Variants in SPG11 observed in about 807,000 individuals in gnomAD.
SPG11 encodes SPG11 vesicle trafficking associated, spatacsin.
In SPG11, 222 loss-of-function variants were observed where a neutral mutation model predicts 274.0. That is an observed-to-expected ratio of 0.81 (90% confidence interval 0.73 to 0.91). The LOEUF is 0.91. SPG11 is among the 40% of genes least tolerant of loss of function. The pLI is 0.00. For synonymous variants in SPG11, 1,144 were observed against 1,039.7 expected (o/e 1.10, Z -1.93); for missense variants, 3,114 against 2,872.7 (o/e 1.08, Z -1.92).
At chr15:44,660,404 T>C (rs1483708267) in intron 2 of SPG11, 28 bp downstream of exon 2, 4 of 1,603,680 alleles carry the variant, frequency 2.5e-6, no homozygotes, top group African/African-American at 2.7e-5. Context: ...AATTTAAATA[T>C]GCTGAAAGAC....
At chr15:44,569,648 C>T in intron 34 of SPG11, 143 bp from the exon 35 acceptor site, 2 of 710,452 alleles carry the variant, frequency 2.8e-6, no homozygotes, top group Admixed American at 4.0e-5. Flanking sequence ...GCTTAGCTCC[C>T]TCCCATGTAC....
At position 44,663,559 on chromosome 15, in the gene SPG11, A is replaced by C. The variant is rs750684185; in HGVS notation, c.89T>G (p.Leu30Trp). ...AAMGRVLPMLLVPVPAEAMGQ... is the reference protein window; with the variant it reads ...AAMGRVLPMLWVPVPAEAMGQ... ...CATCGCCTCGGCGGGGACTGGCACC[A>C]ACAGCATCGGTAGAACCCGCCCCAT... Residue 30 changes from leucine (L) to tryptophan (W), a missense_variant, in exon 1 of 40, where the codon TTG (leucine) becomes TGG (tryptophan). Leu to Trp is a moderately conservative substitution (Grantham distance 61). Transcript: ENST00000261866. 33 of 1,597,598 alleles carry C rather than the reference A, an allele frequency of 2.1e-5. No homozygotes were observed.
chr15:44,663,558 C>G lies in SPG11; in HGVS notation c.90G>C (p.Leu30Phe). The G allele has an allele frequency of 6.3e-7, 1 of 1,597,652 alleles. No individual in the cohort carries two copies. The highest frequency in any genetic ancestry group is 8.5e-7 in the Non-Finnish European group (1 of 1,173,638). The change falls in exon 1 of 40, where the codon TTG becomes TTC. Residue 30 changes from leucine to phenylalanine, a missense_variant. Leu to Phe is a conservative substitution (Grantham distance 22, BLOSUM62 0). Coordinates refer to ENST00000261866, the MANE Select transcript of SPG11 (RefSeq NM_025137.4). ...AAMGRVLPML[L>F]VPVPAEAMGQ... ...CCATCGCCTCGGCGGGGACTGGCAC[C>G]AACAGCATCGGTAGAACCCGCCCCA... is the stretch of plus-strand genomic sequence containing the variant.
chr15:44,596,587 AC>A (rs2083045128), intron 24 of SPG11, among the ~76,000 whole-genome samples, 196 bp downstream of exon 24: 1 of 150,124 alleles, frequency 6.7e-6, no homozygotes, highest in Non-Finnish European at 1.5e-5. Context: ...TCTGATGCCA[AC>A]CCACTGAAAT....
At chr15:44,652,334 C>T (rs552069533) in intron 4 of SPG11, 68 bp from the exon 5 acceptor site, 11 of 1,531,274 alleles carry the variant, frequency 7.2e-6, no homozygotes, top group Non-Finnish European at 8.1e-6. Context: ...GTTACTACTG[C>T]TCCTGTTAAA....
chr15:44,621,724 C>T (rs1157485982), intron 14 of SPG11, 35 bp downstream of exon 14: 2 of 1,584,664 alleles, frequency 1.3e-6, no homozygotes, highest in Non-Finnish European at 1.7e-6. Flanking sequence ...AATCCTCATT[C>T]AGTATGTTCA....
At position 44,659,190 on chromosome 15, in the gene SPG11, T is replaced by C. The variant is rs1323430810; in HGVS notation, c.556A>G (p.Arg186Gly). The C allele has an allele frequency of 6.2e-7, 1 of 1,614,196 alleles. No individual in the cohort carries two copies. The highest frequency in any genetic ancestry group is 1.1e-5 in the South Asian group (1 of 91,088). ...IIFPERDAAIRVLNCFTLPLP... is the reference protein window; with the variant it reads ...IIFPERDAAIGVLNCFTLPLP... ...GGAAGTGTGAAACAGTTGAGTACTC[T>C]AATTGCAGCATCTCTTTCAGGAAAT... The change falls in exon 3 of 40, where the codon AGA becomes GGA. Residue 186 changes from arginine to glycine, a missense_variant. Physicochemically the swap from Arg to Gly is moderately radical, Grantham distance 125. Coordinates refer to ENST00000261866, the MANE Select transcript of SPG11 (RefSeq NM_025137.4).
At chr15:44,585,214 G>T (rs2082730992) in intron 29 of SPG11, among the ~76,000 whole-genome samples, 1 of 151,706 alleles carries the variant, frequency 6.6e-6, no homozygotes, top group Non-Finnish European at 1.5e-5. Context: ...AAAAAAAAAA[G>T]TCTTATCTCC....
chr15:44,601,557 CTTTTTT>C (rs776775388), intron 20 of SPG11, among the ~76,000 whole-genome samples: 1 of 122,790 alleles, frequency 8.1e-6, no homozygotes, highest in African/African-American at 3.4e-5. Context: ...CCAGCCTCTT[CTTTTTT>C]TTTTTTTTTT....
chr15:44,591,470 A>G (rs2082897654), intron 27 of SPG11, among the ~76,000 whole-genome samples: 1 of 152,174 alleles, frequency 6.6e-6, no homozygotes, highest in East Asian at 1.9e-4. Flanking sequence ...TGTTGCTCTA[A>G]GAAGAGGAAC....
chr15:44,575,134 C>A, intron 30 of SPG11, 93 bp from the exon 31 acceptor site: 1 of 1,478,128 alleles, frequency 6.8e-7, no homozygotes, highest in East Asian at 2.3e-5. Context: ...TTGAAGCTCC[C>A]TGCACTGCAC....
intron 6 of SPG11, among the ~76,000 whole-genome samples, chr15:44,649,669 A>T: frequency 6.6e-6 from 1 of 152,222 alleles, no homozygotes; most frequent in African/African-American, 2.4e-5. Flanking sequence ...AGGTGGGCAG[A>T]CCACCTGAGG....
At position 44,584,647 on chromosome 15, in the gene SPG11, TG is replaced by T. The variant is rs534867392; in HGVS notation, c.5122-90del. The T allele has an allele frequency of 4.7e-4, 692 of 1,473,386 alleles. 2 individuals carry two copies. In the African/African-American group the frequency reaches 8.5e-3, roughly 18 times the overall value. 91.3% of individuals were successfully genotyped at this position (1,473,386 alleles called of 1,614,324 possible). ...GTTCCCTAAGTATATCATACTTGTT[TG>T]GACAGGGTCTCAGTCTGTCACCCAG... On this transcript the variant is annotated intron_variant, in intron 29 of 39. Transcript: ENST00000261866.
chr15:44,562,896 T>C lies in SPG11; in HGVS notation c.*225A>G, dbSNP rs1038681550. 2 of 532,272 alleles carry C rather than the reference T, an allele frequency of 3.8e-6. No homozygotes were observed. The highest frequency in any genetic ancestry group is 6.7e-6 in the Non-Finnish European group (2 of 297,546). 33.0% of individuals were successfully genotyped at this position (532,272 alleles called of 1,614,324 possible). A position where few individuals can be genotyped will look rare whatever the true frequency, so the allele number is the denominator to read the frequency against. On this transcript the variant is annotated 3_prime_UTR_variant, in exon 40 of 40. Transcript: ENST00000261866. ...GAAGCTTTTGATCTTAATACTAGTA[T>C]CTATATAAAATGGTGTGGATGAACA... is the stretch of plus-strand genomic sequence containing the variant.
chr15:44,608,892 T>G lies in SPG11; in HGVS notation c.3292-287A>C, dbSNP rs111613304. 6.1e-3 allele frequency among the ~76,000 whole-genome samples: 924 copies of G among 152,244 alleles called. 12 individuals are homozygous for G. The highest frequency in any genetic ancestry group is 0.021 in the African/African-American group (889 of 41,566). ...TTCAAGCTGTATGTAAAGAAATTGT[T>G]TGAAAAACAGCTCTGCCAATATTTA... On this transcript the variant is annotated intron_variant, in intron 18 of 39. Coordinates refer to ENST00000261866, the MANE Select transcript of SPG11 (RefSeq NM_025137.4).
intron 20 of SPG11, chr15:44,604,216 C>T (rs755857768): frequency 9.7e-6 from 4 of 412,320 alleles, no homozygotes; most frequent in South Asian, 5.3e-5. Flanking sequence ...AAAAAAAAGG[C>T]TTGAAGACCC....
intron 39 of SPG11, 84 bp downstream of exon 39, chr15:44,564,463 G>A: frequency 7.3e-7 from 1 of 1,370,898 alleles, no homozygotes; most frequent in Non-Finnish European, 1.0e-6. Context: ...AAGGCATGGT[G>A]TACTTAGCCA....
intron 35 of SPG11, 31 bp downstream of exon 35, chr15:44,569,367 C>G: frequency 2.1e-6 from 3 of 1,445,130 alleles, no homozygotes; most frequent in Non-Finnish European, 2.9e-6. Context: ...AGCAGTACAC[C>G]CCATCCTGGA....
At chr15:44,565,000 T>A (rs1443354674) in intron 38 of SPG11, among the ~76,000 whole-genome samples, 1 of 152,216 alleles carries the variant, frequency 6.6e-6, no homozygotes, top group Non-Finnish European at 1.5e-5. Context: ...GCCTCCTGCA[T>A]ATCTGGGACT....
Sources: gnomAD v4.1 joint callset for allele counts (sites outside exome capture counted in the v4.1 genomes callset) on GRCh38, gnomAD v4.1.1 for gene constraint, MANE v1.5 for transcripts, NCBI Gene and HGNC (gene_info 2026-07-23, HGNC 2026-07-21) for gene names.